CSE1L: variants seen among roughly 807,000 people sequenced by gnomAD.
The protein encoded by CSE1L is exportin-2.
CSE1L carries 24 observed loss-of-function variants against 120.4 expected under a neutral mutation model. That is an observed-to-expected ratio of 0.20 (90% CI 0.14 to 0.28). CSE1L has a LOEUF of 0.28. CSE1L is among the 10% of genes least tolerant of loss of function. CSE1L has a pLI of 1.00. For missense variants in CSE1L, 830 were observed against 1,145.2 expected (o/e 0.72, Z 3.97); for synonymous variants, 402 against 398.3 (o/e 1.01, Z -0.11).
chr20:49,051,060 A>G (rs2091762995), intron 1 of CSE1L, among the ~76,000 whole-genome samples: 1 of 152,244 alleles, frequency 6.6e-6, no homozygotes, highest in African/African-American at 2.4e-5. Context: ...ACAAAGCACA[A>G]AGTCCCTACT....
At chr20:49,049,031 G>A (rs1287833730) in intron 1 of CSE1L, among the ~76,000 whole-genome samples, 1 of 152,190 alleles carries the variant, frequency 6.6e-6, no homozygotes, top group Admixed American at 6.5e-5. Context: ...GTGGGAAGAT[G>A]CTAGACTTAG....
rs1171180247 is a variant in CSE1L, at chr20:49,064,538, C to G, written c.228+1194C>G. Among the ~76,000 whole-genome samples the G allele has an allele frequency of 2.0e-5, 3 of 152,058 alleles. No homozygotes were observed. In the East Asian group the frequency reaches 5.8e-4, roughly 29 times the overall value. ...CAGCTTGGGCAATAAAGTGAGATCC[C>G]ATCTTTCCAAAAAATACAAAAATTA... On this transcript the variant is annotated intron_variant, in intron 3 of 24. Transcript: ENST00000262982.
chr20:49,092,014 C>T (rs368893696), intron 21 of CSE1L, 32 bp from the exon 22 acceptor site: 1 of 1,215,052 alleles, frequency 8.2e-7, no homozygotes, highest in East Asian at 2.3e-5. Flanking sequence ...CGTGAGTTCT[C>T]TATGCTGATA....
chr20:49,080,244 T>A (rs535063897), intron 14 of CSE1L, among the ~76,000 whole-genome samples: 32 of 151,586 alleles, frequency 2.1e-4, no homozygotes, highest in Non-Finnish European at 4.0e-4. Flanking sequence ...CAATATCTGG[T>A]TGTTTTGTTT....
chr20:49,067,026 C>CG (rs1279618541), intron 5 of CSE1L, among the ~76,000 whole-genome samples, 164 bp from the exon 6 acceptor site: 1 of 59,304 alleles, frequency 1.7e-5, no homozygotes, highest in Non-Finnish European at 3.0e-5. Flanking sequence ...AGCGAGACTC[C>CG]GTCTCAAAAA....
chr20:49,089,797 C>A, intron 19 of CSE1L, 51 bp downstream of exon 19: 1 of 1,526,680 alleles, frequency 6.6e-7, no homozygotes, highest in Non-Finnish European at 9.1e-7. Flanking sequence ...CTTGGAGAAA[C>A]TGGGGATGGC....
chr20:49,094,087 TATTTC>T, intron 22 of CSE1L, 48 bp from the exon 23 acceptor site: 2 of 1,115,702 alleles, frequency 1.8e-6, no homozygotes, highest in East Asian at 2.6e-5. Context: ...AGCATTTTAC[TATTTC>T]ATTATAGTGA....
At chr20:49,062,551 T>A (rs1409376548) in intron 2 of CSE1L, among the ~76,000 whole-genome samples, 1 of 152,112 alleles carries the variant, frequency 6.6e-6, no homozygotes, top group Non-Finnish European at 1.5e-5. Context: ...GGTTTTTTTT[T>A]AGTTCGACAA....
rs1263926083 is a variant in CSE1L, at chr20:49,085,319, T to C, written c.1656T>C (p.Ile552=). The change falls in exon 16 of 25, where the codon ATT becomes ATC. Residue 552 remains isoleucine, a synonymous_variant. Coordinates refer to ENST00000262982, the MANE Select transcript of CSE1L (RefSeq NM_001316.4). ...TAAEIAPFVE[I]LLTNLFKALT... is the part of the protein sequence containing the mutation. ...CAGAAATCGCACCGTTTGTTGAGAT[T>C]CTGCTAACAAACCTTTTCAAAGCTC... The C allele has an allele frequency of 1.9e-6, 3 of 1,614,020 alleles. No homozygotes were observed. The highest frequency in any genetic ancestry group is 2.5e-6 in the Non-Finnish European group (3 of 1,179,966).
In CSE1L at chr20:49,077,865, G is replaced by A. The variant is rs770327694; in HGVS notation, c.1421-696G>A. ...CTAAGAATACAAAAACTAGCCGGGC[G>A]TGGTGGCGTGTGCCTGTAATCCCAG... On this transcript the variant is annotated intron_variant, in intron 13 of 24. Transcript: ENST00000262982. Among the ~76,000 whole-genome samples the A allele has an allele frequency of 1.4e-4, 21 of 152,210 alleles. No homozygotes were observed. In the East Asian group the frequency reaches 2.7e-3, roughly 20 times the overall value.
rs374403159 is a variant in CSE1L at position 49,084,090 on chromosome 20, T to C, written c.1547T>C (p.Ile516Thr). 9.3e-6 allele frequency: 15 copies of C among 1,613,982 alleles called. No individual in the cohort carries two copies. The African/African-American group carries it at 1.5e-4, about 16-fold the overall frequency. ...LLINHLQAESIVVHTYAAHAL... is the reference protein window; with the variant it reads ...LLINHLQAESTVVHTYAAHAL... Reference sequence around the variant, plus strand: ...ATTAATCATCTTCAAGCTGAAAGTATTGTTGTTCATACTTACGCAGCTCAT... The same window carrying C: ...ATTAATCATCTTCAAGCTGAAAGTACTGTTGTTCATACTTACGCAGCTCAT... The change falls in exon 15 of 25, where the codon ATT (isoleucine) becomes ACT (threonine). Residue 516 changes from isoleucine to threonine, a missense_variant. Around this residue, in one of 4 missense-constraint regions of CSE1L, gnomAD observed 543 missense variants for 640.2 expected, o/e 0.85. Coordinates refer to ENST00000262982, the MANE Select transcript of CSE1L (RefSeq NM_001316.4).
At chr20:49,085,238 A>G (rs1600543011) in intron 15 of CSE1L, 45 bp from the exon 16 acceptor site, 1 of 1,455,990 alleles carries the variant, frequency 6.9e-7, no homozygotes. Context: ...TGCAGTGACA[A>G]GCTCAAGAGT....
intron 1 of CSE1L, among the ~76,000 whole-genome samples, chr20:49,054,451 G>A (rs1336604626): frequency 6.6e-6 from 1 of 152,162 alleles, no homozygotes; most frequent in Non-Finnish European, 1.5e-5. Flanking sequence ...TCAGCCGTCT[G>A]TCATTTCCAC....
At chr20:49,094,368 G>C in intron 23 of CSE1L, 82 bp downstream of exon 23, 1 of 1,340,960 alleles carries the variant, frequency 7.5e-7, no homozygotes, top group Non-Finnish European at 1.0e-6. Context: ...TATTCTCTTG[G>C]GGGCCAAGAG....
At chr20:49,089,020 T>A (rs2092081419) in intron 17 of CSE1L, among the ~76,000 whole-genome samples, 1 of 152,166 alleles carries the variant, frequency 6.6e-6, no homozygotes, top group African/African-American at 2.4e-5. Flanking sequence ...GTTACAGCTC[T>A]GGGATCTGAG....
rs574928353 is a variant in CSE1L, at chr20:49,050,496, G to A, written c.-12+4073G>A. On this transcript the variant is annotated intron_variant, in intron 1 of 24. Transcript: ENST00000262982. ...TGGCTCATTGAAACCTCTGCCTCCC[G>A]GGTTCAAGCAATTCTCCTGTCTCAG... is the stretch of plus-strand genomic sequence containing the variant. 2.2e-3 allele frequency among the ~76,000 whole-genome samples: 329 copies of A among 146,552 alleles called. 2 individuals carry two copies. The highest frequency in any genetic ancestry group is 3.7e-3 in the Admixed American group (52 of 14,216).
At chr20:49,047,564 CTTTTTTTTTTTTTTTTTTTT>C (rs59986218) in intron 1 of CSE1L, among the ~76,000 whole-genome samples, 1 of 69,928 alleles carries the variant, frequency 1.4e-5, no homozygotes, top group Non-Finnish European at 2.6e-5. Flanking sequence ...TTTCTCTTTT[CTTTTTTTTTTTTTTTTTTTT>C]TTTTTTTTGA....
At position 49,070,188 on chromosome 20, in the gene CSE1L, C is replaced by G. The variant is rs543391084; in HGVS notation, c.676-17C>G. On this transcript the variant is annotated splice_polypyrimidine_tract_variant and intron_variant, in intron 7 of 24. Transcript: ENST00000262982. Reference sequence around the variant, plus strand: ...AATATTTTAATCAAAAGTTTCAAGTCAGTGTTTATTCTGTAGGATCTCCCT... The same window carrying G: ...AATATTTTAATCAAAAGTTTCAAGTGAGTGTTTATTCTGTAGGATCTCCCT... 9 of 1,167,650 alleles carry G rather than the reference C, an allele frequency of 7.7e-6. No homozygotes were observed. In the African/African-American group the frequency reaches 1.4e-4, roughly 18 times the overall value. The allele number at this position is 1,167,650 out of a possible 1,614,324, so 72.3% of individuals were successfully genotyped here.
At chr20:49,047,892 T>C (rs986367274) in intron 1 of CSE1L, among the ~76,000 whole-genome samples, 1 of 152,180 alleles carries the variant, frequency 6.6e-6, no homozygotes, top group South Asian at 2.1e-4. Flanking sequence ...CACTTACTTA[T>C]TGCTTACTTG....
Sources: gnomAD v4.1 joint callset for allele counts (sites outside exome capture counted in the v4.1 genomes callset) on GRCh38, gnomAD v4.1.1 for gene constraint, gnomAD v4.1.1 regional missense constraint, MANE v1.5 for transcripts, NCBI Gene and HGNC (gene_info 2026-07-23, HGNC 2026-07-21) for gene names.